Variants in MAGI2 observed in about 807,000 individuals in gnomAD.
MAGI2 encodes membrane-associated guanylate kinase, WW and PDZ domain-containing protein 2.
MAGI2 carries 35 observed loss-of-function variants against 133.3 expected under a neutral mutation model. That is an observed-to-expected ratio of 0.26 (90% CI 0.20 to 0.35). The LOEUF (loss-of-function observed/expected upper bound fraction) is 0.35. Ranked by LOEUF, MAGI2 falls within the 10% of genes least tolerant of loss-of-function variation. The pLI, the probability that MAGI2 is intolerant of heterozygous loss-of-function variation, is 1.00. For synonymous variants in MAGI2, 729 were observed against 710.6 expected, an observed-to-expected ratio of 1.03 and a Z score of -0.41; for missense variants, 1,636 against 1,863.4, an observed-to-expected ratio of 0.88 and a Z score of 2.25.
chr7:78,020,925 A>G (rs1294649648), intron 21 of MAGI2, among the ~76,000 whole-genome samples: 1 of 152,190 alleles, frequency 6.6e-6, no homozygotes, highest in Non-Finnish European at 1.5e-5. Flanking sequence ...GGACTAAGAT[A>G]ATTCTTTCTA....
chr7:78,204,675 CTTG>C (rs1395029110), intron 10 of MAGI2, among the ~76,000 whole-genome samples: 11 of 152,026 alleles, frequency 7.2e-5, no homozygotes, highest in Admixed American at 4.6e-4. Context: ...TCCTTAGCAA[CTTG>C]TTGTGTGTTT....
At chr7:78,416,229 A>G (rs1022030441) in intron 6 of MAGI2, among the ~76,000 whole-genome samples, 6 of 152,140 alleles carry the variant, frequency 3.9e-5, no homozygotes, top group African/African-American at 1.4e-4. Flanking sequence ...AATGATTCCT[A>G]CAGACAATGG....
At chr7:79,236,680 A>T (rs1831947488) in intron 1 of MAGI2, among the ~76,000 whole-genome samples, 1 of 152,238 alleles carries the variant, frequency 6.6e-6, no homozygotes, top group Admixed American at 6.5e-5. Context: ...AAATTCTGTG[A>T]TCTCTTGTCT....
At chr7:78,318,810 G>T (rs111239875) in intron 9 of MAGI2, among the ~76,000 whole-genome samples, 1 of 151,922 alleles carries the variant, frequency 6.6e-6, no homozygotes, top group Non-Finnish European at 1.5e-5. Context: ...AATGGGGGCC[G>T]ATATTCAACA....
At chr7:78,582,993 C>T (rs781344192) in intron 3 of MAGI2, among the ~76,000 whole-genome samples, 2 of 152,150 alleles carry the variant, frequency 1.3e-5, no homozygotes, top group African/African-American at 4.8e-5. Context: ...CTTACCTTTT[C>T]CCAGATTTAA....
intron 21 of MAGI2, among the ~76,000 whole-genome samples, chr7:78,044,848 A>G (rs1376267918): frequency 1.3e-5 from 2 of 152,164 alleles, no homozygotes; most frequent in African/African-American, 4.8e-5. Flanking sequence ...GACTCAAGAG[A>G]CTTTATTTGA....
rs1563184000 is a variant in MAGI2, at chr7:79,395,429, T to A, written c.301+57591A>T. ...CTGAAAACAGGCAGGTTCCTGAACA[T>A]GGGAAAGTATCATCATCCCGTAACG... On this transcript the variant is annotated intron_variant, in intron 1 of 21. Coordinates refer to ENST00000354212, the MANE Select transcript of MAGI2 (RefSeq NM_012301.4). 3.9e-5 allele frequency among the ~76,000 whole-genome samples: 6 copies of A among 152,126 alleles called. No individual in the cohort carries two copies. The South Asian group carries it at 1.2e-3, about 31-fold the overall frequency.
intron 2 of MAGI2, among the ~76,000 whole-genome samples, chr7:78,922,438 CG>C (rs1316932946): frequency 2.0e-5 from 3 of 150,706 alleles, no homozygotes; most frequent in Non-Finnish European, 4.4e-5. Flanking sequence ...TGAGAACATG[CG>C]GTGTTTGGTT....
At chr7:78,230,366 C>T (rs573804591) in intron 10 of MAGI2, among the ~76,000 whole-genome samples, 1 of 152,270 alleles carries the variant, frequency 6.6e-6, no homozygotes, top group South Asian at 2.1e-4. Context: ...TTTCAAATCC[C>T]TTCCTTTAGA....
chr7:78,483,413 C>T (rs986891641), intron 6 of MAGI2, among the ~76,000 whole-genome samples: 3 of 151,612 alleles, frequency 2.0e-5, no homozygotes, highest in Admixed American at 6.6e-5. Context: ...ACTTTATAGC[C>T]ACATGAAATA....
intron 2 of MAGI2, among the ~76,000 whole-genome samples, chr7:78,762,848 G>C (rs1824649049): frequency 6.6e-6 from 1 of 152,168 alleles, no homozygotes; most frequent in Non-Finnish European, 1.5e-5. Context: ...CATTCTCTTA[G>C]AAGAAAACAT....
At chr7:79,444,252 T>A (rs371631719) in intron 1 of MAGI2, among the ~76,000 whole-genome samples, 23 of 152,064 alleles carry the variant, frequency 1.5e-4, no homozygotes, top group East Asian at 5.8e-4. Flanking sequence ...GAAAACTGGC[T>A]CAAGACAGGG....
At chr7:78,617,327 T>G (rs1166111849) in intron 3 of MAGI2, 1 of 152,128 alleles carries the variant, frequency 6.6e-6, no homozygotes, top group African/African-American at 2.4e-5. Flanking sequence ...AAATTTGTGC[T>G]TTCTGCTGGT....
At chr7:78,986,048 T>C (rs541654270) in intron 2 of MAGI2, among the ~76,000 whole-genome samples, 1 of 152,082 alleles carries the variant, frequency 6.6e-6, no homozygotes, top group Non-Finnish European at 1.5e-5. Context: ...GCTGTGTTTA[T>C]AAATTCTGTG....
rs149104854 is a variant in MAGI2, at chr7:78,878,928, C to T, written c.418+128162G>A. Reference sequence around the variant, plus strand: ...GGCTGATCTTCAGGCATTTAAATCACCTGTTCATCTGGATCAGCAGCCTGA... The same window carrying T: ...GGCTGATCTTCAGGCATTTAAATCATCTGTTCATCTGGATCAGCAGCCTGA... On this transcript the variant is annotated intron_variant, in intron 2 of 21. Transcript: ENST00000354212. Among the ~76,000 whole-genome samples the T allele has an allele frequency of 3.1e-3, 469 of 152,258 alleles. 4 individuals carry two copies. The highest frequency in any genetic ancestry group is 0.011 in the African/African-American group (445 of 41,558).
Position 79,178,774 on chromosome 7 carries a change from AT to A in MAGI2, c.302-171569del, listed in dbSNP as rs544815734. ...GTATTATGTAAAGGGCATCAAATTAATTTTTTTTGTTAAACTTTATATCTAA... is the reference window on the plus strand; with the variant it reads ...GTATTATGTAAAGGGCATCAAATTAATTTTTTTGTTAAACTTTATATCTAA... On this transcript the variant is annotated intron_variant, in intron 1 of 21. Transcript: ENST00000354212. Among the ~76,000 whole-genome samples the A allele has an allele frequency of 4.8e-4, 73 of 151,772 alleles. No homozygotes were observed. In the East Asian group the frequency reaches 8.1e-3, roughly 17 times the overall value.
At chr7:78,764,764 A>C (rs1264255065) in intron 2 of MAGI2, among the ~76,000 whole-genome samples, 1 of 152,226 alleles carries the variant, frequency 6.6e-6, no homozygotes, top group Non-Finnish European at 1.5e-5. Context: ...ACAACCGAAA[A>C]TAGCTTCCTA....
intron 2 of MAGI2, among the ~76,000 whole-genome samples, chr7:79,002,118 T>G (rs1339262592): frequency 7.7e-6 from 1 of 129,820 alleles, no homozygotes; most frequent in Non-Finnish European, 1.6e-5. Context: ...TTCACAGGCT[T>G]CTTCTTCTTC....
intron 1 of MAGI2, among the ~76,000 whole-genome samples, chr7:79,268,273 C>A (rs962446993): frequency 2.0e-5 from 3 of 152,078 alleles, no homozygotes; most frequent in African/African-American, 7.2e-5. Context: ...CTGGAAATGT[C>A]TTGTATGAAA....
Sources: gnomAD v4.1 joint callset for allele counts (sites outside exome capture counted in the v4.1 genomes callset) on GRCh38, gnomAD v4.1.1 for gene constraint, MANE v1.5 for transcripts, NCBI Gene and HGNC (gene_info 2026-07-23, HGNC 2026-07-21) for gene names.